Variants in EPS15L1 observed in about 807,000 individuals in gnomAD.
The protein encoded by EPS15L1 is epidermal growth factor receptor substrate 15-like 1.
A neutral mutation model predicts 117.1 loss-of-function variants in EPS15L1; 43 were observed. The ratio of observed to expected loss-of-function variants is 0.37; its 90% confidence interval spans 0.29 to 0.47. EPS15L1 has a LOEUF of 0.47. EPS15L1 is among the 20% of genes least tolerant of loss of function. The pLI, the probability that EPS15L1 is intolerant of heterozygous loss-of-function variation, is 0.99. For synonymous variants in EPS15L1, 459 were observed against 470.5 expected, an observed-to-expected ratio of 0.98 and a Z score of 0.32; for missense variants, 981 against 1,164.0, an observed-to-expected ratio of 0.84 and a Z score of 2.29.
At chr19:16,412,819 C>T (rs1050669444) in intron 13 of EPS15L1, 10 of 496,280 alleles carry the variant, frequency 2.0e-5, no homozygotes, top group African/African-American at 3.9e-5. Flanking sequence ...TGGACAGCAC[C>T]GGAGCCGGGA....
At chr19:16,436,155 C>CAAGAAGGGAGCAAACCAACCG (rs1163759728) in intron 6 of EPS15L1, among the ~76,000 whole-genome samples, 11 of 152,180 alleles carry the variant, frequency 7.2e-5, no homozygotes, top group African/African-American at 2.7e-4. Context: ...ATGACCTCTC[C>CAAGAAGGGAGCAAACCAACCG]AAGAAGGGAG....
chr19:16,434,155 C>T (rs2092956373), intron 7 of EPS15L1, among the ~76,000 whole-genome samples: 1 of 152,170 alleles, frequency 6.6e-6, no homozygotes, highest in South Asian at 2.1e-4. Flanking sequence ...CTGGCACCTT[C>T]CCCAGGGACT....
intron 13 of EPS15L1, among the ~76,000 whole-genome samples, chr19:16,410,083 G>C (rs1334300191): frequency 6.6e-6 from 1 of 150,966 alleles, no homozygotes; most frequent in Non-Finnish European, 1.5e-5. Flanking sequence ...GCAGTGAGCT[G>C]AGATTGCACC....
At chr19:16,400,581 C>CA (rs2092590740) in intron 16 of EPS15L1, 3 of 953,120 alleles carry the variant, frequency 3.1e-6, no homozygotes, top group Non-Finnish European at 3.7e-6. Flanking sequence ...CAGGAGTAAA[C>CA]AAAAATCTCT....
chr19:16,437,411 A>C (rs1351738452), intron 5 of EPS15L1, among the ~76,000 whole-genome samples: 4 of 152,232 alleles, frequency 2.6e-5, no homozygotes, highest in Non-Finnish European at 1.5e-5. Context: ...AGAGAATTCC[A>C]TTGATAGGAA....
At chr19:16,385,448 C>A (rs542783292) in intron 20 of EPS15L1, among the ~76,000 whole-genome samples, 7 of 152,326 alleles carry the variant, frequency 4.6e-5, no homozygotes, top group Admixed American at 4.6e-4. Context: ...CATTCACGGT[C>A]ATCAGAAGAG....
intron 10 of EPS15L1, 101 bp downstream of exon 10, chr19:16,421,218 G>T: frequency 7.7e-7 from 1 of 1,307,106 alleles, no homozygotes; most frequent in Non-Finnish European, 1.0e-6. Context: ...GGAAGCCTGT[G>T]ACAGGCTGGA....
At chr19:16,446,333 T>C (rs1278696430) in intron 1 of EPS15L1, among the ~76,000 whole-genome samples, 1 of 152,212 alleles carries the variant, frequency 6.6e-6, no homozygotes, top group East Asian at 1.9e-4. Flanking sequence ...TACATCTTCA[T>C]GCCTGGCTGC....
intron 13 of EPS15L1, among the ~76,000 whole-genome samples, chr19:16,410,919 CAAAA>C (rs925251713): frequency 2.2e-4 from 34 of 151,972 alleles, no homozygotes; most frequent in African/African-American, 7.7e-4. Flanking sequence ...CCTCTTAAAA[CAAAA>C]AATGTGCTCC....
intron 22 of EPS15L1, among the ~76,000 whole-genome samples, chr19:16,368,271 T>A (rs779110548): frequency 3.2e-4 from 48 of 152,012 alleles, no homozygotes; most frequent in Admixed American, 5.2e-4. Flanking sequence ...CACACAAGCA[T>A]CACTGATCCT....
In EPS15L1 at chr19:16,441,183, G is replaced by A. The variant is rs1020643454; in HGVS notation, c.166-274C>T. On this transcript the variant is annotated intron_variant, in intron 3 of 23. Transcript: ENST00000455140. ...ACCCTTCTTCCCCCAACTAAAGTCC[G>A]CAAGTGGCCAAGCGCGGTGGTTCAC... is the stretch of plus-strand genomic sequence containing the variant. 27 of 490,384 alleles carry A rather than the reference G, an allele frequency of 5.5e-5. No individual in the cohort carries two copies. The East Asian group carries it at 6.5e-4, about 12-fold the overall frequency. 30.4% of individuals were successfully genotyped at this position (490,384 alleles called of 1,614,324 possible).
intron 22 of EPS15L1, among the ~76,000 whole-genome samples, chr19:16,364,918 A>G (rs1020265115): frequency 6.6e-6 from 1 of 152,200 alleles, no homozygotes; most frequent in African/African-American, 2.4e-5. Flanking sequence ...GCCTCAACAC[A>G]GGTGGGCCCC....
intron 23 of EPS15L1, among the ~76,000 whole-genome samples, chr19:16,361,274 C>T (rs994237026): frequency 2.0e-5 from 3 of 149,282 alleles, no homozygotes; most frequent in African/African-American, 7.4e-5. Context: ...AAAAAAACTT[C>T]AAATTGCTCT....
chr19:16,374,418 G>C (rs1236584277), intron 22 of EPS15L1, among the ~76,000 whole-genome samples: 1 of 152,208 alleles, frequency 6.6e-6, no homozygotes, highest in African/African-American at 2.4e-5. Flanking sequence ...CTCAAATTGT[G>C]CAACAGCTCC....
At chr19:16,416,385 C>T (rs556831305) in intron 12 of EPS15L1, among the ~76,000 whole-genome samples, 1 of 152,102 alleles carries the variant, frequency 6.6e-6, no homozygotes, top group East Asian at 1.9e-4. Context: ...CCTGTAATCC[C>T]AGCACTTTGG....
chr19:16,404,657 G>C lies in EPS15L1; in HGVS notation c.1359C>G (p.Asp453Glu). Residue 453 changes from aspartate to glutamate, a missense_variant, in exon 14 of 24, where the codon GAC (aspartate) becomes GAG (glutamate). Coordinates refer to ENST00000455140, the MANE Select transcript of EPS15L1 (RefSeq NM_001258374.3). This position sits in a 1 kb window ranked among gnomAD's most constrained non-coding sequence, Gnocchi z 4.2. Reference protein sequence around the residue: ...QDAQDRLDEMDQQKAKLRDML... With the variant: ...QDAQDRLDEMEQQKAKLRDML... Reference sequence around the variant, plus strand: ...TGTCTCGGAGCTTGGCCTTCTGCTGGTCCATCTCGTCCAGGCGGTCTTGAG... The same window carrying C: ...TGTCTCGGAGCTTGGCCTTCTGCTGCTCCATCTCGTCCAGGCGGTCTTGAG... The C allele has an allele frequency of 6.2e-7, 1 of 1,614,172 alleles. No individual in the cohort carries two copies. Among genetic ancestry groups the C allele is most frequent in the Non-Finnish European group, 8.5e-7 (1 of 1,180,024 alleles).
chr19:16,404,677 C>T lies in EPS15L1; in HGVS notation c.1339G>A (p.Asp447Asn). 1 of 1,614,214 alleles carries T rather than the reference C, an allele frequency of 6.2e-7. No individual in the cohort carries two copies. Among genetic ancestry groups the T allele is most frequent in the Non-Finnish European group, 8.5e-7 (1 of 1,180,044 alleles). Residue 447 changes from aspartate (D) to asparagine (N), a missense_variant, in exon 14 of 24, where the codon GAC becomes AAC. Asp to Asn is a conservative substitution (Grantham distance 23). Transcript: ENST00000455140. This position sits in a 1 kb window ranked among gnomAD's most constrained non-coding sequence, Gnocchi z 4.2. The part of the protein sequence containing the change: ...ELEAQKQDAQ[D>N]RLDEMDQQKA... ...TGCTGGTCCATCTCGTCCAGGCGGT[C>T]TTGAGCATCCTGTTTCTGAGCCTCG...
intron 13 of EPS15L1, among the ~76,000 whole-genome samples, chr19:16,406,012 C>CT (rs2092652978): frequency 6.6e-6 from 1 of 151,794 alleles, no homozygotes; most frequent in African/African-American, 2.4e-5. Context: ...CAGCTGGGGC[C>CT]TGAGTGAGGT....
chr19:16,398,620 G>T (rs1263466297), intron 16 of EPS15L1, among the ~76,000 whole-genome samples: 1 of 152,230 alleles, frequency 6.6e-6, no homozygotes, highest in Non-Finnish European at 1.5e-5. Context: ...AGTTAAGAAT[G>T]CCAGCTTGAC....
Sources: gnomAD v4.1 joint callset for allele counts (sites outside exome capture counted in the v4.1 genomes callset) on GRCh38, gnomAD v4.1.1 for gene constraint, Gnocchi (gnomAD v3.1) non-coding constraint, MANE v1.5 for transcripts, NCBI Gene and HGNC (gene_info 2026-07-23, HGNC 2026-07-21) for gene names.